Variants in ABAT observed in about 807,000 individuals in gnomAD.
ABAT encodes 4-aminobutyrate aminotransferase, also known as 4-aminobutyrate aminotransferase, mitochondrial.
In ABAT, 45 loss-of-function variants were observed where a neutral mutation model predicts 64.6. The observed-to-expected ratio is 0.70, with a 90% CI of 0.55 to 0.89. The LOEUF (loss-of-function observed/expected upper bound fraction) is 0.89, where lower values mean the gene tolerates loss of function less well. ABAT is among the 40% of genes least tolerant of loss of function. The pLI is 0.00. For missense variants in ABAT, 633 were observed against 658.4 expected, an observed-to-expected ratio of 0.96 and a Z score of 0.42; for synonymous variants, 297 against 250.5, an observed-to-expected ratio of 1.19 and a Z score of -1.75.
At chr16:8,696,984 T>C (rs755743092) in intron 1 of ABAT, among the ~76,000 whole-genome samples, 2 of 152,102 alleles carry the variant, frequency 1.3e-5, no homozygotes, top group South Asian at 2.1e-4. Flanking sequence ...GCGCGTCGAC[T>C]GTGAAATCAA....
intron 11 of ABAT, 101 bp downstream of exon 11, chr16:8,769,074 G>A: frequency 2.0e-6 from 3 of 1,531,040 alleles, no homozygotes; most frequent in Non-Finnish European, 2.7e-6. Flanking sequence ...GTTTATCTGG[G>A]GATCTGTGCA....
chr16:8,688,904 C>T (rs2057517552), intron 1 of ABAT, among the ~76,000 whole-genome samples: 1 of 152,086 alleles, frequency 6.6e-6, no homozygotes, highest in African/African-American at 2.4e-5. Context: ...AGTGAAATTC[C>T]ATCTGTACTA....
At position 8,737,991 on chromosome 16, in the gene ABAT, G is replaced by GAAAGAAAGAAAGAAAGAAAAAGAAAGAAA. The variant is rs55862439; in HGVS notation, c.70+2182_70+2183insAAAGAAAGAAAGAAAGAAAAAGAAAGAAA. ...AAGGAAGGAAGGAAGGAAGGAAGGA[G>GAAAGAAAGAAAGAAAGAAAAAGAAAGAAA]GAAAGAAAGAAAGAAAGAAAGAAAG... On this transcript the variant is annotated intron_variant, in intron 2 of 15. Transcript: ENST00000268251. Among the ~76,000 whole-genome samples the GAAAGAAAGAAAGAAAGAAAAAGAAAGAAA allele has an allele frequency of 2.4e-3, 36 of 14,958 alleles. 7 individuals carry two copies. The highest frequency in any genetic ancestry group is 9.9e-3 in the African/African-American group (35 of 3,538). 9.8% of individuals were successfully genotyped at this position (14,958 alleles called of 152,430 possible).
At chr16:8,714,684 C>A (rs2058162987) in intron 1 of ABAT, 1 of 152,514 alleles carries the variant, frequency 6.6e-6, no homozygotes, top group Non-Finnish European at 1.5e-5. Context: ...GAAGGGGGTC[C>A]TCTGTGCTTT....
chr16:8,772,464 A>C (rs8060255), intron 11 of ABAT, among the ~76,000 whole-genome samples: 20,310 of 152,230 alleles, frequency 0.13, 2,053 homozygotes, highest in African/African-American at 0.28. Context: ...TTTCTCATTC[A>C]GTCCTCTCCA....
chr16:8,738,043 CA>C (rs60708495), intron 2 of ABAT, among the ~76,000 whole-genome samples: 14,413 of 122,992 alleles, frequency 0.12, 1,616 homozygotes, highest in African/African-American at 0.2. Context: ...GACAGACAGA[CA>C]AGACAGTGGC....
Position 8,770,169 on chromosome 16 carries a change from G to A in ABAT, c.816+1196G>A, listed in dbSNP as rs1375364387. Among the ~76,000 whole-genome samples, 7 of 152,268 alleles carry A rather than the reference G, an allele frequency of 4.6e-5. No individual in the cohort carries two copies. The East Asian group carries it at 1.4e-3, about 29-fold the overall frequency. On this transcript the variant is annotated intron_variant, in intron 11 of 15. Transcript: ENST00000268251. ...TGCTTTGTTTTTGAGATGGAGTCTA[G>A]CTCTGTTGCCCAGGCTGGAGTGCAG... is the stretch of plus-strand genomic sequence containing the variant.
At position 8,783,384 on chromosome 16, in the gene ABAT, C is replaced by T. The variant is rs780045258; in HGVS notation, c.*1954C>T. 1 of 152,056 alleles carries T rather than the reference C, an allele frequency of 6.6e-6. No homozygotes were observed. The highest frequency in any genetic ancestry group is 1.5e-5 in the Non-Finnish European group (1 of 68,026). 9.4% of individuals were successfully genotyped at this position (152,056 alleles called of 1,614,324 possible). On this transcript the variant is annotated 3_prime_UTR_variant, in exon 16 of 16. Coordinates refer to ENST00000268251, the MANE Select transcript of ABAT (RefSeq NM_020686.6). ...GCTATGACAGAGGTGTGAATAAAAG[C>T]ATCAGGAAATCGGATGGAGAACCAC...
chr16:8,698,918 C>A (rs1307604015), intron 1 of ABAT, among the ~76,000 whole-genome samples: 1 of 152,180 alleles, frequency 6.6e-6, no homozygotes, highest in Non-Finnish European at 1.5e-5. Context: ...TGCACTCCAG[C>A]CTGGGCAATA....
At chr16:8,772,513 A>G (rs2060143168) in intron 11 of ABAT, among the ~76,000 whole-genome samples, 1 of 152,186 alleles carries the variant, frequency 6.6e-6, no homozygotes, top group Non-Finnish European at 1.5e-5. Flanking sequence ...TGCCCATACA[A>G]CACATCAGGA....
intron 1 of ABAT, among the ~76,000 whole-genome samples, chr16:8,720,477 G>C (rs1354192978): frequency 2.0e-5 from 3 of 152,244 alleles, no homozygotes; most frequent in Non-Finnish European, 2.9e-5. Flanking sequence ...GCAGGTGATA[G>C]GAAGTCATGC....
intron 2 of ABAT, among the ~76,000 whole-genome samples, chr16:8,739,026 G>A (rs2059078364): frequency 6.6e-6 from 1 of 152,238 alleles, no homozygotes; most frequent in South Asian, 2.1e-4. Flanking sequence ...TCAGAAAGAT[G>A]TAGGTATGGA....
intron 2 of ABAT, among the ~76,000 whole-genome samples, chr16:8,742,865 C>CAAAAAAA: frequency 1.0e-5 from 1 of 96,994 alleles, no homozygotes; most frequent in South Asian, 3.9e-4. Context: ...GACCCTGTCT[C>CAAAAAAA]AAAAAAAAAA....
Position 8,735,792 on chromosome 16 carries a change from A to T in ABAT, c.53A>T (p.Tyr18Phe). ...QRLACSFQHS[Y>F]RLLVPGSRHI... ...CTGGCCTGCAGCTTCCAGCACAGCT[A>T]CCGCCTGCTGGTGCCTGGTAAGCCC... Residue 18 changes from tyrosine (Y) to phenylalanine (F), a missense_variant, in exon 2 of 16, where the codon TAC becomes TTC. Transcript: ENST00000268251. 6.2e-7 allele frequency: 1 copy of T among 1,606,520 alleles called. No individual in the cohort carries two copies. Among genetic ancestry groups the T allele is most frequent in the Non-Finnish European group, 8.5e-7 (1 of 1,176,754 alleles).
intron 1 of ABAT, among the ~76,000 whole-genome samples, chr16:8,688,717 T>G (rs902305338): frequency 6.6e-6 from 1 of 152,142 alleles, no homozygotes; most frequent in Non-Finnish European, 1.5e-5. Flanking sequence ...CCTCCTGAAG[T>G]GCCGGGATTA....
chr16:8,750,943 CTTT>C (rs71301327), intron 5 of ABAT, among the ~76,000 whole-genome samples: 2,578 of 109,696 alleles, frequency 0.024, 96 homozygotes, highest in African/African-American at 0.085. Flanking sequence ...TTTTTCCCTG[CTTT>C]TTTTTTTTTT....
rs142569817 is a variant in ABAT, at chr16:8,782,146, C to T, written c.*716C>T. On this transcript the variant is annotated 3_prime_UTR_variant, in exon 16 of 16. Transcript: ENST00000268251. ...GGTGGCCTTACCCGTGATTCTTACT[C>T]GGCATCCTCCATTCCCCAAACTCCC... 1.7e-4 allele frequency: 26 copies of T among 153,292 alleles called. No individual in the cohort carries two copies. The highest frequency in any genetic ancestry group is 3.9e-4 in the African/African-American group (16 of 41,554). The allele number at this position is 153,292 out of a possible 1,614,324, so 9.5% of individuals were successfully genotyped here.
intron 14 of ABAT, 52 bp from the exon 15 acceptor site, chr16:8,779,427 C>T: frequency 6.6e-7 from 1 of 1,505,632 alleles, no homozygotes; most frequent in South Asian, 1.1e-5. Flanking sequence ...TTAAGCCCAG[C>T]TGGTACACAG....
chr16:8,693,154 C>T (rs1019173392), intron 1 of ABAT, among the ~76,000 whole-genome samples: 3 of 152,168 alleles, frequency 2.0e-5, no homozygotes, highest in Non-Finnish European at 2.9e-5. Flanking sequence ...AATGCCCAGC[C>T]TCCATGTGTA....
Sources: gnomAD v4.1 joint callset for allele counts (sites outside exome capture counted in the v4.1 genomes callset) on GRCh38, gnomAD v4.1.1 for gene constraint, MANE v1.5 for transcripts, NCBI Gene and HGNC (gene_info 2026-07-23, HGNC 2026-07-21) for gene names.